Variants in STK3 observed in about 807,000 individuals in gnomAD.
The protein encoded by STK3 is serine/threonine-protein kinase 3.
In STK3, 41 loss-of-function variants were observed where a neutral mutation model predicts 58.0. That is an observed-to-expected ratio of 0.71 (90% CI 0.55 to 0.92). The LOEUF is 0.92. Among genes scored for constraint, STK3 ranks in the 40% least tolerant of loss-of-function variants. STK3 has a pLI of 0.00. For synonymous variants in STK3, 170 were observed against 191.0 expected, an observed-to-expected ratio of 0.89 and a Z score of 0.91; for missense variants, 479 against 602.7, an observed-to-expected ratio of 0.79 and a Z score of 2.15.
At chr8:98,790,239 C>A (rs556340682) in intron 1 of STK3, among the ~76,000 whole-genome samples, 16 of 152,238 alleles carry the variant, frequency 1.1e-4, no homozygotes, top group Admixed American at 2.6e-4. Flanking sequence ...AAACTACAGA[C>A]CAATATCCCT....
At chr8:98,914,161 A>AG (rs1839254046) in intron 1 of STK3, among the ~76,000 whole-genome samples, 1 of 152,134 alleles carries the variant, frequency 6.6e-6, no homozygotes, top group African/African-American at 2.4e-5. Flanking sequence ...TATTAAAAAA[A>AG]CAAAAACCAG....
chr8:98,676,003 A>G (rs186219865), intron 6 of STK3, among the ~76,000 whole-genome samples: 1 of 152,262 alleles, frequency 6.6e-6, no homozygotes, highest in African/African-American at 2.4e-5. Flanking sequence ...ATGTGTACGC[A>G]TAAATGAAAT....
chr8:98,739,053 T>A (rs1172298118), intron 4 of STK3, among the ~76,000 whole-genome samples: 1 of 152,242 alleles, frequency 6.6e-6, no homozygotes, highest in East Asian at 1.9e-4. Context: ...GCGCCCGCCA[T>A]TGCCCAAGCT....
chr8:98,589,169 G>A (rs1288928114), intron 7 of STK3, among the ~76,000 whole-genome samples: 1 of 152,218 alleles, frequency 6.6e-6, no homozygotes, highest in East Asian at 1.9e-4. Flanking sequence ...AGGAGGAGAG[G>A]CACTCTGCTT....
At chr8:98,818,250 C>A (rs1217694753) in intron 1 of STK3, among the ~76,000 whole-genome samples, 1 of 152,208 alleles carries the variant, frequency 6.6e-6, no homozygotes, top group Non-Finnish European at 1.5e-5. Context: ...TCTTTCATAG[C>A]TCAAGCTACA....
In STK3 at chr8:98,800,646, C is replaced by T. The variant is rs148261788; in HGVS notation, c.26+24869G>A. ...AGCACTCATGGGCCAGCACGAGTTC[C>T]GGGTGGGTGTGGGCTTGATGGGCCC... is the stretch of plus-strand genomic sequence containing the variant. On this transcript the variant is annotated intron_variant, in intron 1 of 10. Coordinates refer to ENST00000419617, the MANE Select transcript of STK3 (RefSeq NM_006281.4). This position sits in a 1 kb window ranked among gnomAD's most constrained non-coding sequence, Gnocchi z 4.8. Among the ~76,000 whole-genome samples the T allele has an allele frequency of 4.9e-4, 75 of 152,298 alleles. No individual in the cohort carries two copies. The highest frequency in any genetic ancestry group is 6.2e-4 in the South Asian group (3 of 4,824).
chr8:98,749,439 T>C (rs769893821), intron 3 of STK3, 49 bp from the exon 4 acceptor site: 2 of 1,133,790 alleles, frequency 1.8e-6, no homozygotes, highest in Non-Finnish European at 2.5e-6. Context: ...CCCAAAGAAA[T>C]TTTTTTCTTA....
chr8:98,438,350 C>T (rs1818567187), intron 1 of STK3: 1 of 152,188 alleles, frequency 6.6e-6, no homozygotes, highest in Non-Finnish European at 1.5e-5. Context: ...TGAGGACTCA[C>T]TTGTGCTGAT....
At chr8:98,928,650 A>G (rs1839895742) in intron 1 of STK3, among the ~76,000 whole-genome samples, 2 of 152,222 alleles carry the variant, frequency 1.3e-5, no homozygotes, top group South Asian at 4.1e-4. Flanking sequence ...TATCTGGCAC[A>G]TAGTAAGTGC....
chr8:98,664,085 A>G (rs1473635181), intron 6 of STK3, among the ~76,000 whole-genome samples: 2 of 152,220 alleles, frequency 1.3e-5, no homozygotes, highest in African/African-American at 4.8e-5. Flanking sequence ...TACTCTGCAA[A>G]GGAAAAGAAA....
chr8:98,780,769 A>G (rs868594597), intron 1 of STK3, among the ~76,000 whole-genome samples: 1 of 152,160 alleles, frequency 6.6e-6, no homozygotes, highest in Non-Finnish European at 1.5e-5. Context: ...GATTTGAACT[A>G]GAAATATAAT....
chr8:98,501,823 T>G (rs1040181457), intron 10 of STK3, among the ~76,000 whole-genome samples: 11 of 152,268 alleles, frequency 7.2e-5, no homozygotes, highest in African/African-American at 2.7e-4. Flanking sequence ...TAGTATAGTT[T>G]GAAGTCAGGT....
At chr8:98,407,340 A>G (rs1818003626) in intron 3 of STK3, among the ~76,000 whole-genome samples, 1 of 152,164 alleles carries the variant, frequency 6.6e-6, no homozygotes, top group Admixed American at 6.5e-5. Flanking sequence ...GCAAGGCTCA[A>G]ATAGAGAGTG....
chr8:98,649,384 G>T (rs1476347177), intron 6 of STK3, among the ~76,000 whole-genome samples: 1 of 151,990 alleles, frequency 6.6e-6, no homozygotes, highest in African/African-American at 2.4e-5. Context: ...CATAGCTCCT[G>T]CATTTCCTAT....
intron 2 of STK3, among the ~76,000 whole-genome samples, chr8:98,377,712 C>T (rs1817689276): frequency 6.6e-6 from 1 of 152,076 alleles, no homozygotes; most frequent in African/African-American, 2.4e-5. Flanking sequence ...ACTCTGCCAT[C>T]CTGAGAGCTG....
chr8:98,508,328 G>A (rs1369911939), intron 10 of STK3, among the ~76,000 whole-genome samples: 11 of 152,136 alleles, frequency 7.2e-5, no homozygotes, highest in Non-Finnish European at 4.4e-5. Context: ...TCACCCTGCT[G>A]TAATAATCAC....
At chr8:98,840,375 C>T (rs1835923765) in intron 3 of STK3, among the ~76,000 whole-genome samples, 1 of 143,438 alleles carries the variant, frequency 7.0e-6, no homozygotes, top group South Asian at 2.2e-4. Context: ...AAAAAAAGAC[C>T]AGCCTCGGCA....
intron 1 of STK3, among the ~76,000 whole-genome samples, chr8:98,890,532 C>T (rs750956088): frequency 1.7e-4 from 26 of 152,166 alleles, no homozygotes; most frequent in Non-Finnish European, 3.1e-4. Flanking sequence ...CATCAATCTG[C>T]TACTCTGTTA....
intron 1 of STK3, among the ~76,000 whole-genome samples, chr8:98,779,627 T>C (rs896703038): frequency 6.6e-6 from 1 of 152,242 alleles, no homozygotes; most frequent in Non-Finnish European, 1.5e-5. Context: ...TATCTCATTA[T>C]GTATATGCAA....
Sources: gnomAD v4.1 joint callset for allele counts (sites outside exome capture counted in the v4.1 genomes callset) on GRCh38, gnomAD v4.1.1 for gene constraint, Gnocchi (gnomAD v3.1) non-coding constraint, MANE v1.5 for transcripts, NCBI Gene and HGNC (gene_info 2026-07-23, HGNC 2026-07-21) for gene names.